The following PGLS variants were observed in gnomAD, a reference collection of about 807,000 sequenced individuals.
PGLS encodes the protein epididymis secretory protein Li 304.
Under a neutral mutation model 23.2 loss-of-function variants are expected in PGLS, and 21 were observed. That is an observed-to-expected ratio of 0.91 (90% confidence interval 0.64 to 1.31). PGLS has a LOEUF of 1.31. Among genes scored for constraint, PGLS ranks in the 50% most tolerant of loss-of-function variants. PGLS has a pLI of 0.00. For synonymous variants in PGLS, 179 were observed against 165.4 expected, an observed-to-expected ratio of 1.08 and a Z score of -0.63; for missense variants, 410 against 354.0, an observed-to-expected ratio of 1.16 and a Z score of -1.27.
chr19:17,516,725 C>T (rs1261190342), intron 2 of PGLS, among the ~76,000 whole-genome samples: 4 of 152,116 alleles, frequency 2.6e-5, no homozygotes, highest in East Asian at 1.9e-4. Context: ...GCTGGGACTA[C>T]GGGTGCCCGC....
chr19:17,514,300 T>C lies in PGLS; in HGVS notation c.289-1873T>C, dbSNP rs145312257. 8.5e-3 allele frequency among the ~76,000 whole-genome samples: 1,296 copies of C among 152,226 alleles called. 14 individuals are homozygous for C. The highest frequency in any genetic ancestry group is 0.028 in the African/African-American group (1,182 of 41,524). On this transcript the variant is annotated intron_variant, in intron 1 of 4. Coordinates refer to ENST00000252603, the MANE Select transcript of PGLS (RefSeq NM_012088.3). ...TGTCTCTGTCTGCACATGGCCTTCTTGGATTCTGTGTGTCTTCTCATCTTA... is the reference window on the plus strand; with the variant it reads ...TGTCTCTGTCTGCACATGGCCTTCTCGGATTCTGTGTGTCTTCTCATCTTA...
intron 3 of PGLS, 98 bp from the exon 4 acceptor site, chr19:17,517,612 G>A (rs1245071463): frequency 7.4e-7 from 1 of 1,356,356 alleles, no homozygotes; most frequent in African/African-American, 1.4e-5. Context: ...AGTAGGATGG[G>A]ATGGAACAGT....
In PGLS at chr19:17,521,176, C is replaced by A. The variant is rs912579908; in HGVS notation, c.*95C>A. On this transcript the variant is annotated 3_prime_UTR_variant, in exon 5 of 5. Transcript: ENST00000252603. ...CTCTCCGGGCTCTCCTTTCAAAAAG[C>A]CACGTCGTGCTGCTGCTGGAAGCCA... is the stretch of plus-strand genomic sequence containing the variant. 1.5e-6 allele frequency: 2 copies of A among 1,293,712 alleles called. No individual in the cohort carries two copies. The highest frequency in any genetic ancestry group is 2.1e-6 in the Non-Finnish European group (2 of 963,574). The allele number at this position is 1,293,712 out of a possible 1,614,324, so 80.1% of individuals were successfully genotyped here.
chr19:17,516,192 T>C lies in PGLS; in HGVS notation c.308T>C (p.Leu103Pro). ...GLYRTHLLSR[L>P]PIPESQVITI... ...CTGCAGACGCATCTTCTCTCCAGAC[T>C]GCCGATCCCAGAAAGCCAGGTGATC... The change falls in exon 2 of 5, where the codon CTG becomes CCG. Residue 103 changes from leucine to proline, a missense_variant. By Grantham distance (98) the Leu-to-Pro change is moderately conservative (BLOSUM62 -3). Transcript: ENST00000252603. The C allele has an allele frequency of 6.2e-7, 1 of 1,613,960 alleles. No individual in the cohort carries two copies. Among genetic ancestry groups the C allele is most frequent in the South Asian group, 1.1e-5 (1 of 91,070 alleles).
At chr19:17,512,141 A>G (rs1421389935) in intron 1 of PGLS, 181 bp downstream of exon 1, 11 of 660,538 alleles carry the variant, frequency 1.7e-5, no homozygotes, top group Non-Finnish European at 2.6e-5. Context: ...CACCTCGGCT[A>G]CGTGGGTCGC....
At position 17,511,959 on chromosome 19, in the gene PGLS, G is replaced by A. The variant is rs937026930; in HGVS notation, c.287G>A (p.Arg96Gln). The A allele has an allele frequency of 6.5e-7, 1 of 1,547,082 alleles. No individual in the cohort carries two copies. The highest frequency in any genetic ancestry group is 8.7e-7 in the Non-Finnish European group (1 of 1,148,064). ...GCCGAGAGCACGTACGGCCTCTACC[G>A]GGTGAGAGCTACGGGGGCCGCCGGG... ...DHAESTYGLY[R>Q]THLLSRLPIP... The change falls in exon 1 of 5, where the codon CGG becomes CAG. Residue 96 changes from arginine (R) to glutamine (Q), a missense_variant and splice_region_variant. Physicochemically the swap from Arg to Gln is conservative, Grantham distance 43. Transcript: ENST00000252603.
chr19:17,511,672 C>T lies in PGLS; in HGVS notation c.-1C>T, dbSNP rs754878107. 6.5e-5 allele frequency: 97 copies of T among 1,485,036 alleles called. No homozygotes were observed. The African/African-American group carries it at 1.3e-3, about 20-fold the overall frequency. The allele number at this position is 1,485,036 out of a possible 1,614,324, so 92.0% of individuals were successfully genotyped here. A position where few individuals can be genotyped will look rare whatever the true frequency, so the allele number is the denominator to read the frequency against. ...TCCTCCTCCCCGCCGCCGCCCTCGC[C>T]ATGGCCGCGCCGGCCCCGGGCCTCA... On this transcript the variant is annotated 5_prime_UTR_variant, in exon 1 of 5. Coordinates refer to ENST00000252603, the MANE Select transcript of PGLS (RefSeq NM_012088.3).
intron 1 of PGLS, among the ~76,000 whole-genome samples, chr19:17,515,413 C>T (rs1465592): frequency 2.6e-5 from 4 of 152,012 alleles, no homozygotes; most frequent in East Asian, 3.9e-4. Flanking sequence ...GCCCCTGGGG[C>T]GCCTCTCAGT....
At chr19:17,516,513 TG>T in intron 2 of PGLS, 1 of 1,334,386 alleles carries the variant, frequency 7.5e-7, no homozygotes, top group Non-Finnish European at 9.7e-7. Flanking sequence ...GGAAATATGA[TG>T]GGTATGGCTA....
intron 3 of PGLS, 132 bp downstream of exon 3, chr19:17,517,521 C>T: frequency 1.1e-6 from 1 of 932,166 alleles, no homozygotes; most frequent in Non-Finnish European, 1.6e-6. Flanking sequence ...ACCAACATAC[C>T]TGCCTGCTGG....
Position 17,517,756 on chromosome 19 carries a change from C to T in PGLS, c.545C>T (p.Pro182Leu), listed in dbSNP as rs370646218. 1.1e-5 allele frequency: 17 copies of T among 1,613,956 alleles called. No homozygotes were observed. The highest frequency in any genetic ancestry group is 4.0e-5 in the African/African-American group (3 of 74,902). ...VAPISDSPKPPPQRVTLTLPV... is the reference protein window; with the variant it reads ...VAPISDSPKPLPQRVTLTLPV... ...CCCATCAGTGACTCCCCGAAGCCAC[C>T]GCCACAGCGTGTGACCCTCACACTA... Residue 182 changes from proline (P) to leucine (L), a missense_variant, in exon 4 of 5, where the codon CCG becomes CTG. By Grantham distance (98) the Pro-to-Leu change is moderately conservative. Coordinates refer to ENST00000252603, the MANE Select transcript of PGLS (RefSeq NM_012088.3).
chr19:17,516,036 T>C (rs529320205), intron 1 of PGLS, 137 bp from the exon 2 acceptor site: 27 of 646,402 alleles, frequency 4.2e-5, no homozygotes, highest in Non-Finnish European at 7.3e-5. Flanking sequence ...CGAAGGACCT[T>C]GCACAAATGC....
chr19:17,518,137 T>C (rs2075542170), intron 4 of PGLS, among the ~76,000 whole-genome samples: 1 of 152,080 alleles, frequency 6.6e-6, no homozygotes, highest in Non-Finnish European at 1.5e-5. Flanking sequence ...TCAAATGCAT[T>C]TAAAAAAAAT....
Position 17,511,857 on chromosome 19 carries a change from T to C in PGLS, c.185T>C (p.Val62Ala), listed in dbSNP as rs1381699018. 52 of 1,532,646 alleles carry C rather than the reference T, an allele frequency of 3.4e-5. No individual in the cohort carries two copies. Among genetic ancestry groups the C allele is most frequent in the African/African-American group, 4.3e-5 (3 of 70,482 alleles). The allele number at this position is 1,532,646 out of a possible 1,614,324, so 94.9% of individuals were successfully genotyped here. Residue 62 changes from valine (V) to alanine (A), a missense_variant, in exon 1 of 5, where the codon GTC becomes GCC. Physicochemically the swap from Val to Ala is moderately conservative, Grantham distance 64. Coordinates refer to ENST00000252603, the MANE Select transcript of PGLS (RefSeq NM_012088.3). ...SMLARELPAAVAPAGPASLAR... is the reference protein window; with the variant it reads ...SMLARELPAAAAPAGPASLAR... ...CTAGCCCGCGAGCTACCCGCCGCCG[T>C]CGCCCCTGCCGGGCCAGCTAGCTTA...
intron 4 of PGLS, chr19:17,520,310 G>T (rs2075551125): frequency 1.3e-5 from 2 of 152,118 alleles, no homozygotes; most frequent in African/African-American, 4.8e-5. Context: ...CACTTTGGGA[G>T]ACCTAGGCGG....
chr19:17,521,071 C>T lies in PGLS; in HGVS notation c.767C>T (p.Ser256Phe). ...CTGACCGTGCCCTTCGAGAAGCATTCCACTTTGTAGCTGGCCAGAGGGACG... is the reference window on the plus strand; with the variant it reads ...CTGACCGTGCCCTTCGAGAAGCATTTCACTTTGTAGCTGGCCAGAGGGACG... ...RLLTVPFEKHSTL is the reference protein window; with the variant it reads ...RLLTVPFEKHFTL The change falls in exon 5 of 5, where the codon TCC becomes TTC. Residue 256 changes from serine (S) to phenylalanine (F), a missense_variant. Ser to Phe is a radical substitution (Grantham distance 155). Transcript: ENST00000252603. 6.2e-7 allele frequency: 1 copy of T among 1,600,030 alleles called. No individual in the cohort carries two copies. The highest frequency in any genetic ancestry group is 8.5e-7 in the Non-Finnish European group (1 of 1,172,440).
chr19:17,519,238 C>T (rs970957931), intron 4 of PGLS, among the ~76,000 whole-genome samples: 4 of 148,576 alleles, frequency 2.7e-5, no homozygotes, highest in Middle Eastern at 3.5e-3. Flanking sequence ...CACTTGAACC[C>T]GGGAGGCGGA....
intron 1 of PGLS, among the ~76,000 whole-genome samples, chr19:17,513,643 A>AC (rs2075520132): frequency 6.6e-6 from 1 of 152,050 alleles, no homozygotes; most frequent in African/African-American, 2.4e-5. Context: ...ACATGGCAAG[A>AC]CCCCATCTCT....
rs1382610251 is a variant in PGLS, at chr19:17,511,723, G to C, written c.51G>C (p.Glu17Asp). The change falls in exon 1 of 5, where the codon GAG becomes GAC. Residue 17 changes from glutamate to aspartate, a missense_variant. By Grantham distance (45) the Glu-to-Asp change is conservative. Coordinates refer to ENST00000252603, the MANE Select transcript of PGLS (RefSeq NM_012088.3). ...GLISVFSSSQELGAALAQLVA... is the reference protein window; with the variant it reads ...GLISVFSSSQDLGAALAQLVA... ...TCTCGGTGTTCTCGAGTTCCCAGGA[G>C]CTGGGTGCGGCGCTAGCGCAGCTGG... 14 of 1,509,020 alleles carry C rather than the reference G, an allele frequency of 9.3e-6. No homozygotes were observed. The highest frequency in any genetic ancestry group is 1.2e-5 in the Non-Finnish European group (14 of 1,135,610). 93.5% of individuals were successfully genotyped at this position (1,509,020 alleles called of 1,614,324 possible).
Sources: allele counts gnomAD v4.1 joint callset (sites outside exome capture counted in the v4.1 genomes callset), GRCh38; gene constraint gnomAD v4.1.1; transcripts MANE v1.5; gene names NCBI Gene and HGNC (gene_info 2026-07-23, HGNC 2026-07-21).